DPP10: variants seen among roughly 807,000 people sequenced by gnomAD.
DPP10 encodes the protein dipeptidyl peptidase like 10.
DPP10 carries 33 observed loss-of-function variants against 120.9 expected under a neutral mutation model. The ratio of observed to expected loss-of-function variants is 0.27; its 90% CI spans 0.21 to 0.37. DPP10 has a LOEUF of 0.37. Among genes scored for constraint, DPP10 ranks in the 10% least tolerant of loss-of-function variants. DPP10 has a pLI of 1.00. For synonymous variants in DPP10, 337 were observed against 326.1 expected (o/e 1.03, Z -0.36); for missense variants, 816 against 942.8 (o/e 0.87, Z 1.76).
intron 1 of DPP10, among the ~76,000 whole-genome samples, chr2:114,463,178 C>A (rs1679072154): frequency 1.3e-5 from 2 of 152,122 alleles, no homozygotes; most frequent in African/African-American, 4.8e-5. Context: ...CATACTAACC[C>A]ATGTATGTAT....
At chr2:115,665,531 A>G (rs973434996) in intron 5 of DPP10, among the ~76,000 whole-genome samples, 2 of 152,216 alleles carry the variant, frequency 1.3e-5, no homozygotes, top group African/African-American at 4.8e-5. Flanking sequence ...TGCAACATAC[A>G]GAAAATGAAG....
intron 1 of DPP10, among the ~76,000 whole-genome samples, chr2:114,981,968 C>T (rs1484661253): frequency 6.6e-6 from 1 of 151,648 alleles, no homozygotes. Context: ...GATCTCAGCT[C>T]ACTACAACTT....
chr2:115,394,028 G>A (rs546756550), intron 3 of DPP10, among the ~76,000 whole-genome samples: 1 of 152,300 alleles, frequency 6.6e-6, no homozygotes, highest in South Asian at 2.1e-4. Flanking sequence ...AAATTATGCA[G>A]AGATTGAATT....
intron 1 of DPP10, among the ~76,000 whole-genome samples, chr2:114,797,825 G>A (rs1293040421): frequency 2.0e-5 from 3 of 152,082 alleles, no homozygotes; most frequent in Non-Finnish European, 4.4e-5. Flanking sequence ...CATTGACTGG[G>A]GCATGCACTT....
intron 1 of DPP10, among the ~76,000 whole-genome samples, chr2:114,969,921 C>A (rs531866477): frequency 2.0e-5 from 3 of 152,182 alleles, no homozygotes; most frequent in Admixed American, 1.3e-4. Flanking sequence ...TGTTTTAAAC[C>A]ACTCGGATTT....
rs140563780 is a variant in DPP10, at chr2:114,744,102, T to G, written c.60+301264T>G. Among the ~76,000 whole-genome samples the G allele has an allele frequency of 1.4e-4, 22 of 152,160 alleles. No individual in the cohort carries two copies. The East Asian group carries it at 1.5e-3, about 11-fold the overall frequency. On this transcript the variant is annotated intron_variant, in intron 1 of 25. Transcript: ENST00000410059. ...TGATTACATGGAGGGATTGGCACAA[T>G]CAAAGCACAGAACAGTGTAAAGTTC...
intron 1 of DPP10, chr2:115,064,709 T>A (rs1509742): frequency 3.1e-6 from 4 of 1,302,312 alleles, no homozygotes; most frequent in Non-Finnish European, 4.1e-6. Flanking sequence ...AGTAAGATTC[T>A]GTGAGGGTGA....
At chr2:115,133,141 G>GTATA (rs752180086) in intron 1 of DPP10, among the ~76,000 whole-genome samples, 5 of 35,394 alleles carry the variant, frequency 1.4e-4, no homozygotes, top group Admixed American at 3.2e-4. Flanking sequence ...GTGTGTGTGT[G>GTATA]TGTGTATATA....
At chr2:115,749,166 A>G (rs1184851243) in intron 10 of DPP10, among the ~76,000 whole-genome samples, 1 of 152,194 alleles carries the variant, frequency 6.6e-6, no homozygotes, top group Non-Finnish European at 1.5e-5. Context: ...CAATCACACA[A>G]TACCTTTATT....
chr2:115,589,772 A>G (rs1366502907), intron 5 of DPP10, among the ~76,000 whole-genome samples: 1 of 152,200 alleles, frequency 6.6e-6, no homozygotes, highest in Non-Finnish European at 1.5e-5. Flanking sequence ...TTGAGTTGAC[A>G]TTAAAATTTA....
At chr2:115,418,611 AT>A (rs777495402) in intron 3 of DPP10, among the ~76,000 whole-genome samples, 47 of 150,662 alleles carry the variant, frequency 3.1e-4, no homozygotes, top group Non-Finnish European at 1.5e-4. Flanking sequence ...TCTCATATTT[AT>A]TTTTTTTTAA....
At chr2:115,024,179 A>G (rs997683472) in intron 1 of DPP10, among the ~76,000 whole-genome samples, 4 of 152,256 alleles carry the variant, frequency 2.6e-5, no homozygotes, top group East Asian at 1.9e-4. Flanking sequence ...TAGAACAAAG[A>G]AAAACCAACA....
intron 5 of DPP10, among the ~76,000 whole-genome samples, chr2:115,594,735 C>A (rs907765297): frequency 1.3e-5 from 2 of 151,976 alleles, no homozygotes; most frequent in Non-Finnish European, 2.9e-5. Flanking sequence ...TGAGGAGAAT[C>A]AAAGCAAAAC....
At chr2:115,157,705 G>A (rs886395426) in intron 1 of DPP10, among the ~76,000 whole-genome samples, 8 of 152,134 alleles carry the variant, frequency 5.3e-5, no homozygotes. Context: ...TTCATAAATC[G>A]AAACCAAATG....
intron 5 of DPP10, among the ~76,000 whole-genome samples, chr2:115,651,593 A>G (rs1284023661): frequency 6.6e-6 from 1 of 152,054 alleles, no homozygotes; most frequent in Non-Finnish European, 1.5e-5. Flanking sequence ...ACCAAGATAA[A>G]AAGAATGCGC....
chr2:114,454,507 C>T (rs1678457928), intron 1 of DPP10, among the ~76,000 whole-genome samples: 1 of 152,172 alleles, frequency 6.6e-6, no homozygotes. Context: ...ATTTGAGTGT[C>T]TCCTAACTCT....
chr2:114,473,694 G>A (rs192205119), intron 1 of DPP10, among the ~76,000 whole-genome samples: 264 of 152,208 alleles, frequency 1.7e-3, no homozygotes, highest in African/African-American at 5.9e-3. Flanking sequence ...AGGTAAACAC[G>A]TGCAATAGAT....
intron 1 of DPP10, among the ~76,000 whole-genome samples, chr2:114,621,711 T>C (rs186591838): frequency 2.8e-4 from 43 of 151,952 alleles, no homozygotes; most frequent in Admixed American, 2.8e-3. Context: ...CTCAAAACTC[T>C]CCTCCTCTCT....
At chr2:115,801,317 A>G (rs1685211054) in intron 19 of DPP10, among the ~76,000 whole-genome samples, 2 of 152,174 alleles carry the variant, frequency 1.3e-5, no homozygotes, top group South Asian at 4.1e-4. Flanking sequence ...GTTGCTTATC[A>G]GCTTAAGGAG....
Sources: gnomAD v4.1 joint callset for allele counts (sites outside exome capture counted in the v4.1 genomes callset) on GRCh38, gnomAD v4.1.1 for gene constraint, MANE v1.5 for transcripts, NCBI Gene and HGNC (gene_info 2026-07-23, HGNC 2026-07-21) for gene names.